Variants in WIF1 observed in about 807,000 individuals in gnomAD.
The protein encoded by WIF1 is Wnt inhibitory factor 1.
WIF1 carries 35 observed loss-of-function variants against 53.5 expected under a neutral mutation model. The ratio of observed to expected loss-of-function variants is 0.65; its 90% CI spans 0.50 to 0.87. The LOEUF (loss-of-function observed/expected upper bound fraction) is 0.87, where lower values mean the gene tolerates loss of function less well. WIF1 is among the 40% of genes least tolerant of loss of function. WIF1 has a pLI of 0.00. For missense variants in WIF1, 467 were observed against 476.8 expected, an observed-to-expected ratio of 0.98 and a Z score of 0.19; for synonymous variants, 171 against 170.4, an observed-to-expected ratio of 1.00 and a Z score of -0.03.
At chr12:65,119,337 T>A (rs945896281) in intron 2 of WIF1, among the ~76,000 whole-genome samples, 2 of 152,168 alleles carry the variant, frequency 1.3e-5, no homozygotes, top group Non-Finnish European at 2.9e-5. Flanking sequence ...CAATTTTTTT[T>A]AACCACATAG....
chr12:65,120,805 C>T, intron 1 of WIF1: 1 of 794,302 alleles, frequency 1.3e-6, no homozygotes, highest in Non-Finnish European at 1.8e-6. Flanking sequence ...ATGCCGGGTG[C>T]ACCTAAAAAC....
intron 3 of WIF1, among the ~76,000 whole-genome samples, chr12:65,071,374 A>G (rs1274978972): frequency 6.6e-6 from 1 of 152,070 alleles, no homozygotes; most frequent in East Asian, 1.9e-4. Context: ...CCACCATTGC[A>G]GGGAACAAAA....
chr12:65,068,682 T>TGA (rs1186382304), intron 4 of WIF1, 82 bp downstream of exon 4: 2 of 1,395,696 alleles, frequency 1.4e-6, no homozygotes, highest in African/African-American at 2.9e-5. Flanking sequence ...TGTGTGTGTG[T>TGA]GTGTATAGAT....
chr12:65,088,879 G>T lies in WIF1; in HGVS notation c.289-11025C>A, dbSNP rs995942673. 4.6e-5 allele frequency among the ~76,000 whole-genome samples: 7 copies of T among 151,810 alleles called. No individual in the cohort carries two copies. The South Asian group carries it at 1.3e-3, about 27-fold the overall frequency. On this transcript the variant is annotated intron_variant, in intron 2 of 9. Transcript: ENST00000286574. Reference sequence around the variant, plus strand: ...TTCATATGCATATGAATATTTTTCTGGGGGGGAGCAGATTCTAGCTTTCAT... The same window carrying T: ...TTCATATGCATATGAATATTTTTCTTGGGGGGAGCAGATTCTAGCTTTCAT...
chr12:65,121,009 TAGGC>T, intron 1 of WIF1, 31 bp downstream of exon 1: 1 of 1,428,880 alleles, frequency 7.0e-7, no homozygotes, highest in Non-Finnish European at 9.2e-7. Context: ...GAGGAGGACA[TAGGC>T]AGGGGAAGGC....
chr12:65,113,099 G>A (rs563528033), intron 2 of WIF1, among the ~76,000 whole-genome samples: 9 of 152,304 alleles, frequency 5.9e-5, no homozygotes, highest in African/African-American at 1.9e-4. Context: ...TGCTTGAGTC[G>A]GAGAGAAAGG....
chr12:65,116,091 A>G (rs547039711), intron 2 of WIF1, among the ~76,000 whole-genome samples: 2 of 152,330 alleles, frequency 1.3e-5, no homozygotes, highest in East Asian at 3.9e-4. Context: ...AACATAATAG[A>G]TGAAGATGTA....
intron 9 of WIF1, among the ~76,000 whole-genome samples, chr12:65,051,899 G>T (rs946953444): frequency 6.6e-6 from 1 of 152,184 alleles, no homozygotes; most frequent in African/African-American, 2.4e-5. Context: ...TCTTCATAAA[G>T]ATCACATGAT....
intron 5 of WIF1, 47 bp from the exon 6 acceptor site, chr12:65,066,783 GC>G: frequency 7.0e-7 from 1 of 1,428,858 alleles, no homozygotes; most frequent in South Asian, 1.3e-5. Context: ...GTATTTTGGA[GC>G]AGGACCATTT....
At chr12:65,086,545 C>T (rs1883040759) in intron 2 of WIF1, among the ~76,000 whole-genome samples, 2 of 152,062 alleles carry the variant, frequency 1.3e-5, no homozygotes. Context: ...AACTTGAGAG[C>T]ACAACGACAC....
intron 2 of WIF1, among the ~76,000 whole-genome samples, chr12:65,096,619 A>AG (rs1883209055): frequency 6.6e-6 from 1 of 152,200 alleles, no homozygotes; most frequent in African/African-American, 2.4e-5. Flanking sequence ...ACCAACTCAA[A>AG]TGCCCATCAG....
chr12:65,060,803 T>C (rs757276346), intron 7 of WIF1, among the ~76,000 whole-genome samples: 1 of 152,254 alleles, frequency 6.6e-6, no homozygotes, highest in Admixed American at 6.5e-5. Flanking sequence ...TTCCTGGTAA[T>C]GTAGTTCCCG....
intron 3 of WIF1, 140 bp from the exon 4 acceptor site, chr12:65,069,044 A>G (rs112303773): frequency 4.5e-6 from 4 of 896,452 alleles, no homozygotes; most frequent in Non-Finnish European, 6.6e-6. Context: ...CCACTGGAGT[A>G]GGAACTGTAT....
chr12:65,051,185 A>C lies in WIF1; in HGVS notation c.*164T>G. On this transcript the variant is annotated 3_prime_UTR_variant, in exon 10 of 10. Coordinates refer to ENST00000286574, the MANE Select transcript of WIF1 (RefSeq NM_007191.5). ...ATCATGCTACAGACGTACTTAGAAAACTTAAAAGGAAGAGTAAATATCAGC... is the reference window on the plus strand; with the variant it reads ...ATCATGCTACAGACGTACTTAGAAACCTTAAAAGGAAGAGTAAATATCAGC... 1 of 880,720 alleles carries C rather than the reference A, an allele frequency of 1.1e-6. No homozygotes were observed. The highest frequency in any genetic ancestry group is 2.7e-5 in the South Asian group (1 of 36,910). The allele number at this position is 880,720 out of a possible 1,614,324, so 54.6% of individuals were successfully genotyped here.
chr12:65,116,021 T>C (rs1480531095), intron 2 of WIF1, among the ~76,000 whole-genome samples: 1 of 152,258 alleles, frequency 6.6e-6, no homozygotes, highest in Admixed American at 6.5e-5. Context: ...ACACTGTTTA[T>C]ACACATTTGA....
chr12:65,075,153 G>A (rs765817305), intron 3 of WIF1, among the ~76,000 whole-genome samples: 3 of 152,136 alleles, frequency 2.0e-5, no homozygotes, highest in Non-Finnish European at 2.9e-5. Flanking sequence ...AAGAGAAACT[G>A]AACTTATACT....
At chr12:65,119,502 A>C (rs1297666135) in intron 2 of WIF1, among the ~76,000 whole-genome samples, 1 of 152,204 alleles carries the variant, frequency 6.6e-6, no homozygotes, top group Admixed American at 6.5e-5. Context: ...CAAAATAGTT[A>C]TTTTTTATAA....
intron 7 of WIF1, among the ~76,000 whole-genome samples, chr12:65,060,829 A>T (rs953608361): frequency 1.3e-5 from 2 of 152,174 alleles, no homozygotes; most frequent in African/African-American, 4.8e-5. Flanking sequence ...GAAACAGGAA[A>T]CTTCCGCAAA....
intron 3 of WIF1, 84 bp downstream of exon 3, chr12:65,077,662 C>A: frequency 3.0e-6 from 3 of 996,988 alleles, no homozygotes; most frequent in Admixed American, 4.3e-5. Flanking sequence ...CATAACCTCT[C>A]TGATGTAGGA....
Sources: allele counts gnomAD v4.1 joint callset (sites outside exome capture counted in the v4.1 genomes callset), GRCh38; gene constraint gnomAD v4.1.1; transcripts MANE v1.5; gene names NCBI Gene and HGNC (gene_info 2026-07-23, HGNC 2026-07-21).